Variants in GALNT16 observed in about 807,000 individuals in gnomAD.
GALNT16 encodes UDP-GalNAc:polypeptide N-acetylgalactosaminyltransferase-like protein 1.
A neutral mutation model predicts 76.1 loss-of-function variants in GALNT16; 40 were observed. That is an observed-to-expected ratio of 0.53 (90% CI 0.41 to 0.68). GALNT16 has a LOEUF of 0.68. GALNT16 is among the 30% of genes least tolerant of loss of function. GALNT16 has a pLI of 0.00. For synonymous variants in GALNT16, 276 were observed against 285.2 expected, an observed-to-expected ratio of 0.97 and a Z score of 0.32; for missense variants, 621 against 731.9, an observed-to-expected ratio of 0.85 and a Z score of 1.75.
At chr14:69,326,225 C>G (rs142784419) in intron 5 of GALNT16, among the ~76,000 whole-genome samples, 198 bp downstream of exon 5, 1 of 152,338 alleles carries the variant, frequency 6.6e-6, no homozygotes, top group African/African-American at 2.4e-5. Context: ...GCAAGTTGCT[C>G]CATCTCTGAC....
chr14:69,292,403 G>GCTC (rs935896000), intron 1 of GALNT16, among the ~76,000 whole-genome samples: 4 of 152,226 alleles, frequency 2.6e-5, no homozygotes, highest in Non-Finnish European at 4.4e-5. Flanking sequence ...GCTGGGCCCT[G>GCTC]CTCCTCCTAG....
At chr14:69,274,255 T>C (rs2140107765) in intron 1 of GALNT16, among the ~76,000 whole-genome samples, 1 of 152,354 alleles carries the variant, frequency 6.6e-6, no homozygotes, top group African/African-American at 2.4e-5. Context: ...GTATACAAAT[T>C]GTTACACAAA....
the GALNT16 span, among the ~76,000 whole-genome samples, chr14:69,379,127 A>G: frequency 1.3e-5 from 2 of 152,114 alleles, no homozygotes; most frequent in African/African-American, 4.8e-5. Context: ...TTTAGTGGAG[A>G]CAGGGTTTCA....
chr14:69,343,283 T>G (rs2045518957), intron 12 of GALNT16, among the ~76,000 whole-genome samples: 2 of 152,228 alleles, frequency 1.3e-5, no homozygotes, highest in Non-Finnish European at 2.9e-5. Flanking sequence ...CTTTGTCCTT[T>G]GAGGACAGGT....
At chr14:69,380,681 T>TTGAC in the GALNT16 span, 1 of 1,170,040 alleles carries the variant, frequency 8.5e-7, no homozygotes, top group Non-Finnish European at 1.3e-6. Flanking sequence ...CAGTGGTCAA[T>TTGAC]CACTGCCAGG....
downstream of GALNT16, among the ~76,000 whole-genome samples, chr14:69,359,954 G>A (rs1004287334): frequency 4.6e-5 from 7 of 152,104 alleles, no homozygotes; most frequent in Non-Finnish European, 8.8e-5. Context: ...GAACCCAGGA[G>A]GCAGAGGTTG....
upstream of GALNT16, chr14:69,260,136 A>ACGCCCC: frequency 1.8e-5 from 2 of 113,994 alleles, 1 homozygote; most frequent in Non-Finnish European, 3.5e-5. Context: ...TCTCCCTATC[A>ACGCCCC]CCCCCCCGCC....
intron 14 of GALNT16, 158 bp from the exon 15 acceptor site, chr14:69,351,873 C>T (rs1202568464): frequency 1.9e-5 from 12 of 648,508 alleles, no homozygotes; most frequent in Admixed American, 6.5e-5. Flanking sequence ...GGTAGCACCA[C>T]TGTAAGAACA....
intron 1 of GALNT16, among the ~76,000 whole-genome samples, chr14:69,292,780 C>T (rs116013379): frequency 1.2e-3 from 186 of 152,338 alleles, no homozygotes; most frequent in African/African-American, 4.3e-3. Context: ...ATTTGCTGTA[C>T]ACAGTGGCTA....
intron 1 of GALNT16, among the ~76,000 whole-genome samples, chr14:69,317,178 A>C (rs138989927): frequency 6.6e-6 from 1 of 152,274 alleles, no homozygotes; most frequent in African/African-American, 2.4e-5. Flanking sequence ...ATAGCTCCTC[A>C]TGGTCCTGCA....
At chr14:69,297,267 T>C (rs1158248070) in intron 1 of GALNT16, among the ~76,000 whole-genome samples, 1 of 152,256 alleles carries the variant, frequency 6.6e-6, no homozygotes, top group Non-Finnish European at 1.5e-5. Flanking sequence ...ACGTATACAC[T>C]CGCAAGTTCT....
the GALNT16 span, among the ~76,000 whole-genome samples, chr14:69,386,201 A>G: frequency 6.6e-6 from 1 of 152,228 alleles, no homozygotes; most frequent in Non-Finnish European, 1.5e-5. Context: ...GGGAGACAGC[A>G]TGGTGCAGCC....
At chr14:69,293,937 C>A (rs567214880) in intron 1 of GALNT16, among the ~76,000 whole-genome samples, 109 of 152,024 alleles carry the variant, frequency 7.2e-4, no homozygotes, top group African/African-American at 2.5e-3. Flanking sequence ...TGTCACCAGG[C>A]GGGAGTACAG....
chr14:69,371,083 G>A, the GALNT16 span, among the ~76,000 whole-genome samples: 3 of 152,270 alleles, frequency 2.0e-5, no homozygotes, highest in African/African-American at 7.2e-5. Flanking sequence ...AGTGCTACAA[G>A]GATAGCCTAT....
At chr14:69,321,969 C>T (rs2045194400) in intron 2 of GALNT16, among the ~76,000 whole-genome samples, 1 of 152,244 alleles carries the variant, frequency 6.6e-6, no homozygotes, top group Non-Finnish European at 1.5e-5. Flanking sequence ...GCAGCTACTC[C>T]ACAGCACAAA....
At chr14:69,282,972 AT>A (rs1395168872) in intron 1 of GALNT16, among the ~76,000 whole-genome samples, 1 of 151,992 alleles carries the variant, frequency 6.6e-6, no homozygotes, top group African/African-American at 2.4e-5. Flanking sequence ...GGCCGAGATG[AT>A]TTTTTATATG....
chr14:69,359,888 G>A (rs1488634094), downstream of GALNT16, among the ~76,000 whole-genome samples: 2 of 152,084 alleles, frequency 1.3e-5, no homozygotes, highest in Non-Finnish European at 2.9e-5. Context: ...TATCCAGGCG[G>A]GTGGCACACG....
rs976568288 is a variant in GALNT16 at position 69,353,947 on chromosome 14, C to T, written c.*1779C>T. 1.3e-5 allele frequency: 2 copies of T among 152,542 alleles called. No individual in the cohort carries two copies. The highest frequency in any genetic ancestry group is 2.4e-5 in the African/African-American group (1 of 41,480). 9.4% of individuals were successfully genotyped at this position (152,542 alleles called of 1,614,324 possible). A position where few individuals can be genotyped will look rare whatever the true frequency, so the allele number is the denominator to read the frequency against. On this transcript the variant is annotated 3_prime_UTR_variant, in exon 15 of 15. Coordinates refer to ENST00000448469, the MANE Select transcript of GALNT16 (RefSeq NM_001168368.2). ...TCTGGAGGGCTCTCCAGCAGTTTCG[C>T]CTCCTGACTCTCACCAGCGTCCTCT...
In GALNT16 at chr14:69,313,710, G is replaced by A. The variant is rs142307421; in HGVS notation, c.178-7001G>A. On this transcript the variant is annotated intron_variant, in intron 1 of 14. Transcript: ENST00000448469. ...GGTTTCCCCAGGCAGCTCCTATCTC[G>A]TGTTCTGGATATGTAATTAAACTAG... is the stretch of plus-strand genomic sequence containing the variant. 2.9e-3 allele frequency among the ~76,000 whole-genome samples: 447 copies of A among 152,212 alleles called. 1 individual carries two copies. The highest frequency in any genetic ancestry group is 4.9e-3 in the Non-Finnish European group (334 of 67,924).
Sources: allele counts gnomAD v4.1 joint callset (sites outside exome capture counted in the v4.1 genomes callset), GRCh38; gene constraint gnomAD v4.1.1; transcripts MANE v1.5; gene names NCBI Gene and HGNC (gene_info 2026-07-23, HGNC 2026-07-21).